Variants in FARS2 observed in about 807,000 individuals in gnomAD.
FARS2 encodes the protein phenylalanyl-tRNA synthetase 2, mitochondrial.
In FARS2, 40 loss-of-function variants were observed where a neutral mutation model predicts 46.4. That is an observed-to-expected ratio of 0.86 (90% confidence interval 0.67 to 1.12). The LOEUF is 1.12. Ranked by LOEUF, FARS2 falls within the 50% of genes most tolerant of loss-of-function variation. The probability of loss-of-function intolerance (pLI) is 0.00; values close to 1 mark genes in which losing one functional copy is unlikely to be tolerated. For missense variants in FARS2, 513 were observed against 567.9 expected (o/e 0.90, Z 0.98); for synonymous variants, 234 against 214.9 (o/e 1.09, Z -0.78).
At chr6:5,456,639 G>A (rs1237887197) in intron 4 of FARS2, among the ~76,000 whole-genome samples, 1 of 143,760 alleles carries the variant, frequency 7.0e-6, no homozygotes, top group Non-Finnish European at 1.5e-5. Context: ...GCTGAGGCAG[G>A]AGAATTGCTT....
intron 1 of FARS2, among the ~76,000 whole-genome samples, chr6:5,323,179 A>T (rs906873523): frequency 3.9e-5 from 6 of 152,224 alleles, no homozygotes; most frequent in Non-Finnish European, 5.9e-5. Flanking sequence ...ATTGGATATT[A>T]TAGGGCATAT....
At chr6:5,568,994 T>C (rs1164291539) in intron 5 of FARS2, among the ~76,000 whole-genome samples, 3 of 151,930 alleles carry the variant, frequency 2.0e-5, no homozygotes, top group South Asian at 2.1e-4. Context: ...AACACCTAAA[T>C]TGGGGTCTGG....
chr6:5,423,167 T>C (rs1762652825), intron 3 of FARS2, among the ~76,000 whole-genome samples: 2 of 152,040 alleles, frequency 1.3e-5, no homozygotes, highest in Non-Finnish European at 2.9e-5. Context: ...GAAGATAGTT[T>C]CCTTCGAGAA....
At chr6:5,514,362 T>C (rs1768655715) in intron 4 of FARS2, among the ~76,000 whole-genome samples, 1 of 152,208 alleles carries the variant, frequency 6.6e-6, no homozygotes, top group Non-Finnish European at 1.5e-5. Context: ...GGTAGCCTTG[T>C]CTTGCATAGT....
intron 1 of FARS2, among the ~76,000 whole-genome samples, chr6:5,316,511 GCTGCC>G (rs1200188347): frequency 2.0e-5 from 3 of 152,192 alleles, no homozygotes; most frequent in African/African-American, 7.2e-5. Context: ...AGGGTAAACT[GCTGCC>G]CTGAGAAGTG....
At chr6:5,649,420 T>C (rs1777234335) in intron 6 of FARS2, among the ~76,000 whole-genome samples, 1 of 152,206 alleles carries the variant, frequency 6.6e-6, no homozygotes, top group Non-Finnish European at 1.5e-5. Flanking sequence ...AAGATTTGAG[T>C]GGTTGGGGGC....
chr6:5,379,861 T>C (rs528228898), intron 2 of FARS2, among the ~76,000 whole-genome samples: 6 of 152,288 alleles, frequency 3.9e-5, no homozygotes, highest in African/African-American at 1.4e-4. Flanking sequence ...TGACAAAGTT[T>C]AGCATTTTGC....
At chr6:5,627,872 A>T (rs1776111237) in intron 6 of FARS2, among the ~76,000 whole-genome samples, 1 of 152,194 alleles carries the variant, frequency 6.6e-6, no homozygotes. Flanking sequence ...AGAACTCTTT[A>T]CTATCCATTA....
chr6:5,510,506 C>T (rs1172733206), intron 4 of FARS2, among the ~76,000 whole-genome samples: 1 of 152,214 alleles, frequency 6.6e-6, no homozygotes, highest in Non-Finnish European at 1.5e-5. Context: ...CTTTAAGCTC[C>T]TGAATGCCCG....
At chr6:5,438,695 A>G (rs1399708104) in intron 4 of FARS2, among the ~76,000 whole-genome samples, 1 of 152,066 alleles carries the variant, frequency 6.6e-6, no homozygotes, top group Non-Finnish European at 1.5e-5. Context: ...AGTGTTTCAG[A>G]TTTTTGGATT....
chr6:5,536,505 A>G (rs1770209722), intron 4 of FARS2, among the ~76,000 whole-genome samples: 1 of 152,126 alleles, frequency 6.6e-6, no homozygotes, highest in Non-Finnish European at 1.5e-5. Context: ...AAAAAGCAGA[A>G]CCCTATAAGG....
chr6:5,589,770 C>A (rs888458242), intron 5 of FARS2, among the ~76,000 whole-genome samples: 1 of 152,218 alleles, frequency 6.6e-6, no homozygotes, highest in Non-Finnish European at 1.5e-5. Flanking sequence ...TTTGGTAAAT[C>A]ATTTCCAAGT....
chr6:5,568,247 G>A (rs1772433958), intron 5 of FARS2, among the ~76,000 whole-genome samples: 1 of 152,162 alleles, frequency 6.6e-6, no homozygotes, highest in South Asian at 2.1e-4. Context: ...AACATAGCAA[G>A]GGGGAAATGG....
intron 1 of FARS2, among the ~76,000 whole-genome samples, chr6:5,349,280 T>G (rs933171987): frequency 6.6e-6 from 1 of 152,136 alleles, no homozygotes; most frequent in Non-Finnish European, 1.5e-5. Context: ...TAACAAAACA[T>G]ATTGGATCTG....
Position 5,503,373 on chromosome 6 carries a change from A to AACACAC in FARS2, c.905-41779_905-41774dup, listed in dbSNP as rs72295741. Among the ~76,000 whole-genome samples, 643 of 136,298 alleles carry AACACAC rather than the reference A, an allele frequency of 4.7e-3. 4 individuals carry two copies. The highest frequency in any genetic ancestry group is 0.022 in the East Asian group (95 of 4,402). The allele number at this position is 136,298 out of a possible 152,430, so 89.4% of individuals were successfully genotyped here. A position where few individuals can be genotyped will look rare whatever the true frequency, so the allele number is the denominator to read the frequency against. ...CTAAGAGTAGATTTTAGGTATTCTT[A>AACACAC]ACACACACACACACACACACACACA... On this transcript the variant is annotated intron_variant, in intron 4 of 6. Transcript: ENST00000274680.
chr6:5,694,197 C>A (rs997190359), intron 6 of FARS2, among the ~76,000 whole-genome samples: 21 of 152,292 alleles, frequency 1.4e-4, no homozygotes, highest in Middle Eastern at 3.4e-3. Context: ...TATAGCTAAT[C>A]CTTAGCATTT....
chr6:5,439,547 C>T (rs987444636), intron 4 of FARS2, among the ~76,000 whole-genome samples: 4 of 152,148 alleles, frequency 2.6e-5, no homozygotes, highest in African/African-American at 7.2e-5. Context: ...TCAGAGTCCT[C>T]TGTTAGTTGT....
At chr6:5,513,282 G>A in intron 4 of FARS2, among the ~76,000 whole-genome samples, 1 of 152,184 alleles carries the variant, frequency 6.6e-6, no homozygotes, top group East Asian at 1.9e-4. Context: ...GGAACTCTGG[G>A]GAAAGGAGCT....
At chr6:5,653,832 T>A (rs1425860124) in intron 6 of FARS2, among the ~76,000 whole-genome samples, 4 of 151,948 alleles carry the variant, frequency 2.6e-5, no homozygotes, top group African/African-American at 9.7e-5. Flanking sequence ...AAGAGAATAG[T>A]GGAGAAGGGC....
Sources: gnomAD v4.1 joint callset for allele counts (sites outside exome capture counted in the v4.1 genomes callset) on GRCh38, gnomAD v4.1.1 for gene constraint, MANE v1.5 for transcripts, NCBI Gene and HGNC (gene_info 2026-07-23, HGNC 2026-07-21) for gene names.